GRID1: variants seen among roughly 807,000 people sequenced by gnomAD.
The protein encoded by GRID1 is glutamate ionotropic receptor delta type subunit 1.
In GRID1, 28 loss-of-function variants were observed where a neutral mutation model predicts 98.0. The ratio of observed to expected loss-of-function variants is 0.29; its 90% confidence interval spans 0.21 to 0.39. GRID1 has a LOEUF of 0.39. Among genes scored for constraint, GRID1 ranks in the 10% least tolerant of loss-of-function variants. The probability of loss-of-function intolerance (pLI) is 1.00; values close to 1 mark genes in which losing one functional copy is unlikely to be tolerated. For synonymous variants in GRID1, 553 were observed against 538.5 expected (o/e 1.03, Z -0.37); for missense variants, 1,111 against 1,340.5 (o/e 0.83, Z 2.67).
rs1355709742 is a variant in GRID1, at chr10:85,619,910, C to A, written c.2317G>T (p.Ala773Ser). 1.9e-6 allele frequency: 3 copies of A among 1,614,198 alleles called. No individual in the cohort carries two copies. The highest frequency in any genetic ancestry group is 2.2e-5 in the South Asian group (2 of 91,080). The stretch of plus-strand genomic sequence containing the variant: ...CTGTAGGGGCTGCCATGCTGCAGGG[C>A]AATCCCGTAACCCTTGCTGCTGATG... ...NSISSKGYGIALQHGSPYRDL... is the reference protein window; with the variant it reads ...NSISSKGYGISLQHGSPYRDL... Residue 773 changes from alanine to serine, a missense_variant, in exon 14 of 16, where the codon GCC becomes TCC. This residue lies in a region of GRID1 where 762 missense variants were observed against 869.1 expected (regional missense o/e 0.88). Transcript: ENST00000327946.
At chr10:85,894,701 G>A (rs1477109672) in intron 5 of GRID1, among the ~76,000 whole-genome samples, 1 of 151,970 alleles carries the variant, frequency 6.6e-6, no homozygotes, top group Non-Finnish European at 1.5e-5. Flanking sequence ...CTCAGATCTA[G>A]AGCACTCCAA....
chr10:86,247,433 T>C (rs529851182), intron 2 of GRID1, among the ~76,000 whole-genome samples: 1 of 152,134 alleles, frequency 6.6e-6, no homozygotes, highest in Admixed American at 6.5e-5. Context: ...AATGAATGGA[T>C]GGTTGGCTGG....
chr10:85,772,506 A>T (rs1418090848), intron 8 of GRID1, among the ~76,000 whole-genome samples: 6 of 151,578 alleles, frequency 4.0e-5, no homozygotes, highest in Admixed American at 1.3e-4. Flanking sequence ...GACACAAAAA[A>T]CCCTTCAAAA....
intron 2 of GRID1, among the ~76,000 whole-genome samples, chr10:86,319,695 T>C (rs1356795099): frequency 6.6e-6 from 1 of 152,234 alleles, no homozygotes. Flanking sequence ...TGAGATAATC[T>C]GGGAGGTGGG....
intron 4 of GRID1, among the ~76,000 whole-genome samples, chr10:86,087,495 A>AGTGTGTGTGTGTGTGT (rs147005955): frequency 1.2e-5 from 1 of 81,472 alleles, no homozygotes; most frequent in Non-Finnish European, 2.6e-5. Context: ...AGAAGATCCA[A>AGTGTGTGTGTGTGTGT]GTGTGTGTGT....
At chr10:86,113,757 T>C (rs1048472088) in intron 4 of GRID1, among the ~76,000 whole-genome samples, 3 of 152,092 alleles carry the variant, frequency 2.0e-5, no homozygotes, top group African/African-American at 7.2e-5. Context: ...GCTGGGCTCA[T>C]CAAGAAGACC....
At chr10:86,185,919 G>A (rs1205662232) in intron 3 of GRID1, among the ~76,000 whole-genome samples, 1 of 152,104 alleles carries the variant, frequency 6.6e-6, no homozygotes, top group African/African-American at 2.4e-5. Flanking sequence ...TTTAGTACCA[G>A]GATAACACTG....
chr10:85,676,404 C>T (rs761614847), intron 12 of GRID1, among the ~76,000 whole-genome samples: 1 of 152,200 alleles, frequency 6.6e-6, no homozygotes. Context: ...CGGGATCAGG[C>T]TGGAGCTAGT....
At chr10:86,156,744 C>T (rs112075813) in intron 3 of GRID1, among the ~76,000 whole-genome samples, 2 of 152,202 alleles carry the variant, frequency 1.3e-5, no homozygotes, top group Non-Finnish European at 2.9e-5. Context: ...TCAGAAGAGA[C>T]GTCTAGAACA....
chr10:86,028,234 A>G, intron 4 of GRID1, among the ~76,000 whole-genome samples: 1 of 152,222 alleles, frequency 6.6e-6, no homozygotes, highest in Admixed American at 6.5e-5. Flanking sequence ...CTGCCCCACC[A>G]AACTGTGCAC....
intron 3 of GRID1, among the ~76,000 whole-genome samples, chr10:86,160,701 T>C (rs1304371579): frequency 6.6e-6 from 1 of 152,244 alleles, no homozygotes; most frequent in Middle Eastern, 3.2e-3. Context: ...AGGAACCATG[T>C]GCTCCCTCAT....
intron 8 of GRID1, among the ~76,000 whole-genome samples, chr10:85,852,052 T>C (rs770729320): frequency 2.0e-5 from 3 of 152,106 alleles, no homozygotes; most frequent in Non-Finnish European, 4.4e-5. Context: ...CCTTGGTTCA[T>C]CTGAAACTCC....
chr10:86,335,417 A>T (rs185441109), intron 2 of GRID1, among the ~76,000 whole-genome samples: 21 of 152,358 alleles, frequency 1.4e-4, no homozygotes, highest in Admixed American at 4.6e-4. Flanking sequence ...ACAAAAGTTA[A>T]TGGGCTTCTT....
intron 5 of GRID1, among the ~76,000 whole-genome samples, chr10:85,871,844 A>G (rs1260709821): frequency 2.6e-5 from 4 of 152,226 alleles, no homozygotes; most frequent in Non-Finnish European, 2.9e-5. Flanking sequence ...AATATTTCCT[A>G]AATATACTGA....
chr10:85,642,549 C>G (rs1843135082), intron 13 of GRID1, among the ~76,000 whole-genome samples: 1 of 152,218 alleles, frequency 6.6e-6, no homozygotes, highest in Non-Finnish European at 1.5e-5. Context: ...CTCAGTCAGA[C>G]AGCAAACAGA....
intron 4 of GRID1, among the ~76,000 whole-genome samples, chr10:85,927,008 CT>C (rs1396289022): frequency 6.6e-6 from 1 of 152,208 alleles, no homozygotes; most frequent in Non-Finnish European, 1.5e-5. Flanking sequence ...ATTTTCTTCC[CT>C]GAGTGTATTA....
intron 3 of GRID1, among the ~76,000 whole-genome samples, chr10:86,161,929 C>T (rs771244523): frequency 2.6e-5 from 4 of 152,166 alleles, no homozygotes; most frequent in African/African-American, 9.7e-5. Context: ...GGCAGAAAAA[C>T]AAGTGTGTTG....
At chr10:85,620,732 TG>T (rs1222606419) in intron 13 of GRID1, among the ~76,000 whole-genome samples, 1 of 152,176 alleles carries the variant, frequency 6.6e-6, no homozygotes, top group Non-Finnish European at 1.5e-5. Flanking sequence ...CCCCTACACA[TG>T]TACACACATG....
At position 86,086,730 on chromosome 10, in the gene GRID1, G is replaced by A. The variant is rs60157297; in HGVS notation, c.726+52089C>T. ...TGTACTTGTGTGCAAGTGTCTGTGT[G>A]TGTGCATATGTGCACAGATATATGT... is the stretch of plus-strand genomic sequence containing the variant. On this transcript the variant is annotated intron_variant, in intron 4 of 15. Transcript: ENST00000327946. Among the ~76,000 whole-genome samples, 469 of 152,346 alleles carry A rather than the reference G, an allele frequency of 3.1e-3. 3 individuals carry two copies. Among genetic ancestry groups the A allele is most frequent in the African/African-American group, 0.011 (451 of 41,570 alleles).
Sources: allele counts gnomAD v4.1 joint callset (sites outside exome capture counted in the v4.1 genomes callset), GRCh38; gene constraint gnomAD v4.1.1; regional missense constraint gnomAD v4.1.1; transcripts MANE v1.5; gene names NCBI Gene and HGNC (gene_info 2026-07-23, HGNC 2026-07-21).